Variants in RWDD4 observed in about 807,000 individuals in gnomAD.
RWDD4 encodes RWD domain-containing protein 4.
In RWDD4, 16 loss-of-function variants were observed where a neutral mutation model predicts 30.0. The observed-to-expected ratio is 0.53, with a 90% CI of 0.36 to 0.81. The LOEUF (loss-of-function observed/expected upper bound fraction) is 0.81, where lower values mean the gene tolerates loss of function less well. Among genes scored for constraint, RWDD4 ranks in the 30% least tolerant of loss-of-function variants. The pLI, the probability that RWDD4 is intolerant of heterozygous loss-of-function variation, is 0.00. For missense variants in RWDD4, 170 were observed against 223.9 expected (o/e 0.76, Z 1.54); for synonymous variants, 45 against 72.1 (o/e 0.62, Z 1.90).
intron 7 of RWDD4, among the ~76,000 whole-genome samples, chr4:183,643,589 C>A (rs1382037814): frequency 6.6e-6 from 1 of 151,522 alleles, no homozygotes; most frequent in Non-Finnish European, 1.5e-5. Flanking sequence ...GATTCAGAGA[C>A]CAAATTATGT....
chr4:183,649,362 T>C (rs1734028043), intron 5 of RWDD4, 89 bp downstream of exon 5: 1 of 772,934 alleles, frequency 1.3e-6, no homozygotes. Context: ...TGCAGTGAGC[T>C]GAGATCATGC....
chr4:183,656,940 C>A (rs901944648), intron 1 of RWDD4, among the ~76,000 whole-genome samples: 1 of 152,168 alleles, frequency 6.6e-6, no homozygotes, highest in Non-Finnish European at 1.5e-5. Flanking sequence ...GCAAGAGAAT[C>A]GCTTGAACCC....
At chr4:183,656,863 T>C (rs1369208279) in intron 1 of RWDD4, among the ~76,000 whole-genome samples, 1 of 152,116 alleles carries the variant, frequency 6.6e-6, no homozygotes, top group Non-Finnish European at 1.5e-5. Context: ...CCATCTCTAC[T>C]AAAGACACAA....
chr4:183,658,697 G>A (rs180740208), intron 1 of RWDD4, among the ~76,000 whole-genome samples: 9 of 152,336 alleles, frequency 5.9e-5, no homozygotes, highest in African/African-American at 1.9e-4. Context: ...AAGTAACCAG[G>A]GGAGACTCCC....
rs984227512 is a variant in RWDD4, at chr4:183,655,506, G to T, written c.105+375C>A. Among the ~76,000 whole-genome samples, 7 of 152,024 alleles carry T rather than the reference G, an allele frequency of 4.6e-5. No individual in the cohort carries two copies. In the East Asian group the frequency reaches 1.4e-3, roughly 30 times the overall value. On this transcript the variant is annotated intron_variant, in intron 2 of 7. Coordinates refer to ENST00000326397, the MANE Select transcript of RWDD4 (RefSeq NM_152682.4). ...TCACCATGTTGGCCAGGATGGTCTC[G>T]ATCTCCTGACCTCGTGATCCGCCCA...
intron 2 of RWDD4, among the ~76,000 whole-genome samples, chr4:183,654,953 GTT>G (rs1185958781): frequency 1.4e-5 from 2 of 145,284 alleles, no homozygotes; most frequent in Non-Finnish European, 3.0e-5. Context: ...TGTTTTTTTT[GTT>G]TTTTTTTTTG....
At chr4:183,652,189 T>C (rs1193017525) in intron 2 of RWDD4, among the ~76,000 whole-genome samples, 1 of 152,210 alleles carries the variant, frequency 6.6e-6, no homozygotes, top group Non-Finnish European at 1.5e-5. Context: ...ACAAAAATGC[T>C]ATCTAATACA....
At chr4:183,649,306 C>A in intron 5 of RWDD4, 145 bp downstream of exon 5, 1 of 537,518 alleles carries the variant, frequency 1.9e-6, no homozygotes, top group Non-Finnish European at 3.3e-6. Context: ...CCCAACTACT[C>A]GGGAGGCTGA....
At chr4:183,641,953 C>T (rs913833418) in intron 7 of RWDD4, among the ~76,000 whole-genome samples, 8 of 151,922 alleles carry the variant, frequency 5.3e-5, no homozygotes, top group African/African-American at 1.9e-4. Context: ...TTTTGCATTG[C>T]AATTTTTTTC....
At chr4:183,641,917 T>C (rs1198529959) in intron 7 of RWDD4, among the ~76,000 whole-genome samples, 4 of 152,176 alleles carry the variant, frequency 2.6e-5, no homozygotes, top group Non-Finnish European at 5.9e-5. Flanking sequence ...ATTCTTATAG[T>C]TTTGAAAATA....
Position 183,649,439 on chromosome 4 carries a change from A to T in RWDD4, c.481+12T>A, listed in dbSNP as rs1454612151. 4 of 1,519,028 alleles carry T rather than the reference A, an allele frequency of 2.6e-6. No homozygotes were observed. The Admixed American group carries it at 7.3e-5, about 28-fold the overall frequency. 94.1% of individuals were successfully genotyped at this position (1,519,028 alleles called of 1,614,324 possible). On this transcript the variant is annotated intron_variant, in intron 5 of 7. Coordinates refer to ENST00000326397, the MANE Select transcript of RWDD4 (RefSeq NM_152682.4). ...AAAAAAAGAAAAGAAAAGAAAAGAA[A>T]CACACACAAACCTGTTTTGTCTGCC...
intron 2 of RWDD4, among the ~76,000 whole-genome samples, chr4:183,652,450 C>T (rs114129693): frequency 2.7e-5 from 4 of 146,112 alleles, no homozygotes; most frequent in Admixed American, 1.4e-4. Context: ...GAGCTGAGAT[C>T]GTGCCATTGC....
In RWDD4 at chr4:183,651,363, T is replaced by G. The variant is rs756638178; in HGVS notation, c.106-36A>C. Reference sequence around the variant, plus strand: ...GGGGAAATCTTAGGCTTGTAAAAGGTGATAAAAAGACAGAAAACTAAATTA... The same window carrying G: ...GGGGAAATCTTAGGCTTGTAAAAGGGGATAAAAAGACAGAAAACTAAATTA... On this transcript the variant is annotated intron_variant, in intron 2 of 7. Transcript: ENST00000326397. 8.1e-6 allele frequency: 12 copies of G among 1,484,100 alleles called. No individual in the cohort carries two copies. The Admixed American group carries it at 2.2e-4, about 27-fold the overall frequency. 91.9% of individuals were successfully genotyped at this position (1,484,100 alleles called of 1,614,324 possible).
intron 7 of RWDD4, among the ~76,000 whole-genome samples, chr4:183,644,777 C>CAA (rs1040745096): frequency 1.6e-5 from 2 of 123,306 alleles, no homozygotes; most frequent in Admixed American, 1.6e-4. Context: ...GACTCGGCTT[C>CAA]AAAAAAAAAA....
At chr4:183,645,554 A>G (rs1042743388) in intron 7 of RWDD4, among the ~76,000 whole-genome samples, 1 of 151,278 alleles carries the variant, frequency 6.6e-6, no homozygotes, top group Admixed American at 6.6e-5. Context: ...AGGATCACCT[A>G]AGCCCAGGAG....
chr4:183,657,549 C>T (rs1186082844), intron 1 of RWDD4, among the ~76,000 whole-genome samples: 5 of 152,068 alleles, frequency 3.3e-5, no homozygotes, highest in Admixed American at 6.6e-5. Flanking sequence ...TACTCAGATA[C>T]CTAAATGTAG....
intron 1 of RWDD4, among the ~76,000 whole-genome samples, chr4:183,658,573 A>G (rs1304722793): frequency 6.6e-6 from 1 of 152,206 alleles, no homozygotes; most frequent in Admixed American, 6.5e-5. Context: ...AAAGATGACC[A>G]GACTAAAATT....
intron 4 of RWDD4, 29 bp from the exon 5 acceptor site, chr4:183,649,597 C>A (rs776078079): frequency 3.2e-6 from 4 of 1,242,336 alleles, no homozygotes; most frequent in Non-Finnish European, 4.7e-6. Flanking sequence ...AATTCTCAGC[C>A]TCATACCTTA....
chr4:183,654,846 A>G (rs954433744), intron 2 of RWDD4, among the ~76,000 whole-genome samples: 12 of 152,208 alleles, frequency 7.9e-5, no homozygotes, highest in African/African-American at 2.9e-4. Context: ...CATGCATAAG[A>G]ATCATTTCTA....
Sources: allele counts gnomAD v4.1 joint callset (sites outside exome capture counted in the v4.1 genomes callset), GRCh38; gene constraint gnomAD v4.1.1; transcripts MANE v1.5; gene names NCBI Gene and HGNC (gene_info 2026-07-23, HGNC 2026-07-21).